The following LRRC4C variants were observed in gnomAD, a reference collection of about 807,000 sequenced individuals.
LRRC4C encodes the protein leucine-rich repeat-containing protein 4C.
LRRC4C carries 5 observed loss-of-function variants against 33.6 expected under a neutral mutation model. The observed-to-expected ratio is 0.15, with a 90% CI of 0.08 to 0.31. LRRC4C has a LOEUF of 0.31. Among genes scored for constraint, LRRC4C ranks in the 10% least tolerant of loss-of-function variants. LRRC4C has a pLI of 1.00. For synonymous variants in LRRC4C, 329 were observed against 302.0 expected, an observed-to-expected ratio of 1.09 and a Z score of -0.93; for missense variants, 560 against 796.7, an observed-to-expected ratio of 0.70 and a Z score of 3.58.
intron 3 of LRRC4C, among the ~76,000 whole-genome samples, chr11:40,638,511 A>G (rs1194218346): frequency 1.3e-5 from 2 of 152,228 alleles, no homozygotes; most frequent in East Asian, 3.8e-4. Context: ...GATGTTAACT[A>G]AAATGATAAA....
At chr11:40,401,375 C>A (rs1949752756) in intron 3 of LRRC4C, among the ~76,000 whole-genome samples, 2 of 151,988 alleles carry the variant, frequency 1.3e-5, no homozygotes, top group Admixed American at 6.6e-5. Flanking sequence ...AGTCTGTCAT[C>A]CTGCGTTTAC....
At chr11:40,809,890 AC>A (rs1307890878) in intron 2 of LRRC4C, among the ~76,000 whole-genome samples, 3 of 152,158 alleles carry the variant, frequency 2.0e-5, no homozygotes, top group African/African-American at 7.2e-5. Context: ...GACTTATATG[AC>A]TTTTAGTACT....
chr11:41,421,313 A>G (rs1369527813), intron 1 of LRRC4C, among the ~76,000 whole-genome samples: 2 of 152,044 alleles, frequency 1.3e-5, no homozygotes, highest in East Asian at 3.9e-4. Context: ...CCCCTCTGAT[A>G]TGGACTACTA....
rs146901357 is a variant in LRRC4C, at chr11:40,926,635, C to T, written c.-407+7000G>A. Among the ~76,000 whole-genome samples the T allele has an allele frequency of 1.5e-4, 23 of 152,186 alleles. 1 individual carries two copies. The East Asian group carries it at 3.9e-3, about 26-fold the overall frequency. On this transcript the variant is annotated intron_variant, in intron 2 of 6. Coordinates refer to ENST00000528697, the MANE Select transcript of LRRC4C (RefSeq NM_001258419.2). The stretch of plus-strand genomic sequence containing the variant: ...CACAATGAATGATAGGCATATTCAT[C>T]CACCACTGTTTTTAACCATGTAAAT...
chr11:40,931,202 T>A (rs1027745414), intron 2 of LRRC4C, among the ~76,000 whole-genome samples: 1 of 152,052 alleles, frequency 6.6e-6, no homozygotes, highest in Non-Finnish European at 1.5e-5. Flanking sequence ...TTGCAGAAAA[T>A]GAAGACAGAG....
chr11:41,340,738 A>T (rs1484797373), intron 1 of LRRC4C, among the ~76,000 whole-genome samples: 1 of 152,176 alleles, frequency 6.6e-6, no homozygotes, highest in Non-Finnish European at 1.5e-5. Flanking sequence ...ATAAAGATGG[A>T]GCTTATAGCA....
intron 4 of LRRC4C, among the ~76,000 whole-genome samples, chr11:40,302,416 G>T (rs1944817970): frequency 6.6e-6 from 1 of 152,122 alleles, no homozygotes; most frequent in Admixed American, 6.6e-5. Flanking sequence ...AAAGGCCACA[G>T]GGATTTTTCA....
intron 3 of LRRC4C, among the ~76,000 whole-genome samples, chr11:40,580,086 T>TGTGTGTGCGC (rs369797293): frequency 2.2e-4 from 34 of 151,846 alleles, no homozygotes; most frequent in African/African-American, 7.8e-4. Context: ...TGTGTGTGTG[T>TGTGTGTGCGC]GCCTTTCAAG....
intron 3 of LRRC4C, among the ~76,000 whole-genome samples, chr11:40,380,242 C>T (rs1948814117): frequency 6.6e-6 from 1 of 152,146 alleles, no homozygotes; most frequent in African/African-American, 2.4e-5. Flanking sequence ...AGAGAACGAT[C>T]ATCTGAGGAT....
At chr11:41,388,738 T>C in intron 1 of LRRC4C, among the ~76,000 whole-genome samples, 1 of 151,956 alleles carries the variant, frequency 6.6e-6, no homozygotes, top group African/African-American at 2.4e-5. Context: ...ATTAACCCAT[T>C]ATACAAAGAT....
At chr11:40,859,063 G>T (rs965031291) in intron 2 of LRRC4C, among the ~76,000 whole-genome samples, 3 of 152,126 alleles carry the variant, frequency 2.0e-5, no homozygotes, top group Non-Finnish European at 4.4e-5. Context: ...TATCAAAATA[G>T]ATCCCAAAAG....
chr11:40,882,244 T>C (rs1442785766), intron 2 of LRRC4C, among the ~76,000 whole-genome samples: 1 of 152,118 alleles, frequency 6.6e-6, no homozygotes, highest in African/African-American at 2.4e-5. Context: ...GCTCATGTTA[T>C]TTCTAGCTTA....
chr11:41,232,960 T>C (rs1241551866), intron 1 of LRRC4C, among the ~76,000 whole-genome samples: 2 of 152,098 alleles, frequency 1.3e-5, no homozygotes, highest in Non-Finnish European at 2.9e-5. Context: ...TTTTAGCAAC[T>C]TTGCATTTAA....
chr11:40,588,096 C>T (rs1958848697), intron 3 of LRRC4C, among the ~76,000 whole-genome samples: 1 of 151,628 alleles, frequency 6.6e-6, no homozygotes, highest in Non-Finnish European at 1.5e-5. Flanking sequence ...GCTGTGAATC[C>T]ATCTGGTCCT....
At chr11:40,243,215 G>T (rs1161091193) in intron 4 of LRRC4C, among the ~76,000 whole-genome samples, 1 of 152,022 alleles carries the variant, frequency 6.6e-6, no homozygotes, top group Non-Finnish European at 1.5e-5. Context: ...GGTTTAAAAA[G>T]GTAAATTTCT....
In LRRC4C at chr11:40,984,893, CTTTTTTTTTT is replaced by C. The variant is rs562785410; in HGVS notation, c.-495-51180_-495-51171del. Among the ~76,000 whole-genome samples the C allele has an allele frequency of 2.1e-4, 11 of 52,270 alleles. 1 individual carries two copies. The highest frequency in any genetic ancestry group is 1.7e-3 in the South Asian group (2 of 1,198). 34.3% of individuals were successfully genotyped at this position (52,270 alleles called of 152,430 possible). ...CACGACAACTCTGTTCTCACTGACA[CTTTTTTTTTT>C]TTTTTTTTTTTTTTTTGAGACGCAA... On this transcript the variant is annotated intron_variant, in intron 1 of 6. Transcript: ENST00000528697.
chr11:40,861,309 G>A (rs906053665), intron 2 of LRRC4C, among the ~76,000 whole-genome samples: 5 of 152,276 alleles, frequency 3.3e-5, no homozygotes, highest in Middle Eastern at 3.4e-3. Context: ...TCAGCTCCAA[G>A]GAGACCTGGG....
At chr11:40,716,019 A>G (rs763031490) in intron 2 of LRRC4C, among the ~76,000 whole-genome samples, 1 of 150,374 alleles carries the variant, frequency 6.7e-6, no homozygotes. Context: ...TGGGTGACAG[A>G]GCACGACTGT....
At chr11:40,296,054 A>G (rs1339263880) in intron 4 of LRRC4C, among the ~76,000 whole-genome samples, 2 of 152,168 alleles carry the variant, frequency 1.3e-5, no homozygotes, top group Non-Finnish European at 2.9e-5. Flanking sequence ...AAGGCCAATG[A>G]TTTGTTTTTT....
Sources: allele counts gnomAD v4.1 joint callset (sites outside exome capture counted in the v4.1 genomes callset), GRCh38; gene constraint gnomAD v4.1.1; transcripts MANE v1.5; gene names NCBI Gene and HGNC (gene_info 2026-07-23, HGNC 2026-07-21).